DLG2: variants seen among roughly 807,000 people sequenced by gnomAD.
The protein encoded by DLG2 is discs large MAGUK scaffold protein 2.
DLG2 carries 45 observed loss-of-function variants against 132.5 expected under a neutral mutation model. The observed-to-expected ratio is 0.34, with a 90% confidence interval of 0.27 to 0.44. The LOEUF is 0.44. Ranked by LOEUF, DLG2 falls within the 20% of genes least tolerant of loss-of-function variation. DLG2 has a pLI of 1.00. For synonymous variants in DLG2, 424 were observed against 419.6 expected (o/e 1.01, Z -0.13); for missense variants, 1,045 against 1,196.9 (o/e 0.87, Z 1.87).
At chr11:85,585,388 A>G (rs898664078) in intron 3 of DLG2, among the ~76,000 whole-genome samples, 2 of 151,970 alleles carry the variant, frequency 1.3e-5, no homozygotes, top group Non-Finnish European at 2.9e-5. Context: ...TTTTAATTCC[A>G]ATTTGGATGC....
chr11:84,194,400 C>G (rs1477135435), intron 8 of DLG2, among the ~76,000 whole-genome samples: 1 of 152,146 alleles, frequency 6.6e-6, no homozygotes, highest in Non-Finnish European at 1.5e-5. Context: ...AGGCTGCAGA[C>G]CTTCATGGTG....
intron 6 of DLG2, among the ~76,000 whole-genome samples, chr11:84,919,667 T>A (rs1394337205): frequency 6.6e-6 from 1 of 152,164 alleles, no homozygotes; most frequent in Non-Finnish European, 1.5e-5. Context: ...CATGTGGGTA[T>A]GTTTGTAGTA....
intron 7 of DLG2, among the ~76,000 whole-genome samples, chr11:84,514,872 A>G (rs1259637602): frequency 2.0e-5 from 3 of 152,036 alleles, no homozygotes; most frequent in Non-Finnish European, 4.4e-5. Context: ...TGAATTTTCC[A>G]TGATGTGATT....
At chr11:84,550,679 C>T (rs1360227520) in intron 6 of DLG2, among the ~76,000 whole-genome samples, 1 of 152,124 alleles carries the variant, frequency 6.6e-6, no homozygotes, top group Non-Finnish European at 1.5e-5. Flanking sequence ...CCTGGGTGGT[C>T]GATTGGCATA....
chr11:84,949,138 C>CA (rs1331510001), intron 6 of DLG2, among the ~76,000 whole-genome samples: 1 of 152,052 alleles, frequency 6.6e-6, no homozygotes, highest in African/African-American at 2.4e-5. Context: ...TAAAGCTGGG[C>CA]ATCCGGGGGA....
chr11:83,720,110 T>C (rs1256865718), intron 18 of DLG2, among the ~76,000 whole-genome samples: 1 of 151,444 alleles, frequency 6.6e-6, no homozygotes, highest in African/African-American at 2.4e-5. Context: ...CTGGTCAACA[T>C]GGCAAAACCC....
At chr11:84,011,306 T>G (rs2094878042) in intron 11 of DLG2, among the ~76,000 whole-genome samples, 2 of 151,534 alleles carry the variant, frequency 1.3e-5, no homozygotes, top group South Asian at 4.2e-4. Flanking sequence ...CCTGTCTCTA[T>G]AAAAAAATAC....
chr11:84,178,406 G>A (rs915736357), intron 8 of DLG2, among the ~76,000 whole-genome samples: 4 of 152,128 alleles, frequency 2.6e-5, no homozygotes, highest in Middle Eastern at 3.2e-3. Context: ...AAGACTGGAA[G>A]TTTGAGTGCA....
At chr11:84,928,185 G>C (rs2047631435) in intron 6 of DLG2, among the ~76,000 whole-genome samples, 1 of 151,944 alleles carries the variant, frequency 6.6e-6, no homozygotes, top group African/African-American at 2.4e-5. Context: ...GATGCCACTT[G>C]AGAAAGGAAC....
At chr11:85,091,125 C>T (rs1323197573) in intron 6 of DLG2, among the ~76,000 whole-genome samples, 1 of 152,214 alleles carries the variant, frequency 6.6e-6, no homozygotes, top group Admixed American at 6.5e-5. Context: ...TTTGGTTCCA[C>T]CTCCAACACT....
chr11:84,013,863 T>C (rs2095025961), intron 11 of DLG2, among the ~76,000 whole-genome samples: 1 of 33,684 alleles, frequency 3.0e-5, no homozygotes, highest in African/African-American at 1.5e-4. Context: ...TGGGACTGCG[T>C]CTCAAAAAAA....
intron 7 of DLG2, among the ~76,000 whole-genome samples, chr11:84,506,296 C>T (rs927273986): frequency 4.0e-5 from 6 of 151,522 alleles, no homozygotes; most frequent in African/African-American, 1.5e-4. Context: ...GGGATGGTCT[C>T]GATCTCCTGA....
intron 4 of DLG2, among the ~76,000 whole-genome samples, chr11:85,170,681 G>C (rs1378750155): frequency 6.6e-6 from 1 of 152,030 alleles, no homozygotes; most frequent in African/African-American, 2.4e-5. Flanking sequence ...TTGCACAGGT[G>C]GTAAAAAGAA....
At chr11:84,656,809 T>G (rs987694120) in intron 6 of DLG2, among the ~76,000 whole-genome samples, 2 of 151,966 alleles carry the variant, frequency 1.3e-5, no homozygotes, top group African/African-American at 4.8e-5. Context: ...TAATAGGGAG[T>G]GGAAAAAAAT....
chr11:85,477,030 G>C (rs537077012), intron 3 of DLG2, among the ~76,000 whole-genome samples: 1 of 152,092 alleles, frequency 6.6e-6, no homozygotes, highest in African/African-American at 2.4e-5. Flanking sequence ...ACAATGACAA[G>C]AGTAATGCAC....
rs140599607 is a variant in DLG2, at chr11:83,962,888, G to A, written c.1337C>T (p.Thr446Ile). 1,277 of 1,612,784 alleles carry A rather than the reference G, an allele frequency of 7.9e-4. 3 individuals carry two copies. Among genetic ancestry groups the A allele is most frequent in the Non-Finnish European group, 1.0e-3 (1,177 of 1,178,970 alleles). The change falls in exon 14 of 28, where the codon ACC becomes ATC. Residue 446 changes from threonine to isoleucine, a missense_variant. Around this residue, in one of 4 missense-constraint regions of DLG2, gnomAD observed 261 missense variants for 256.1 expected, o/e 1.02. Transcript: ENST00000376104. Reference sequence around the variant, plus strand: ...TTAACTAACAGGCATATCTGACCTGGTGTAGTCGTCGTCAACAAGCATGTG... The same window carrying A: ...TTAACTAACAGGCATATCTGACCTGATGTAGTCGTCGTCAACAAGCATGTG... ...PKHMLVDDDY[T>I]RPPEPVYSTV...
chr11:84,201,919 A>G (rs2096600710), intron 8 of DLG2, among the ~76,000 whole-genome samples: 2 of 137,426 alleles, frequency 1.5e-5, no homozygotes, highest in African/African-American at 5.5e-5. Flanking sequence ...CCCGGGTTCA[A>G]GCGATTCTCC....
At chr11:84,333,726 A>G (rs2098471484) in intron 7 of DLG2, among the ~76,000 whole-genome samples, 1 of 152,184 alleles carries the variant, frequency 6.6e-6, no homozygotes, top group African/African-American at 2.4e-5. Context: ...TTTACATTTC[A>G]GTTCTCTGAA....
chr11:84,735,721 G>T (rs2063742516), intron 6 of DLG2, among the ~76,000 whole-genome samples: 1 of 151,928 alleles, frequency 6.6e-6, no homozygotes, highest in Non-Finnish European at 1.5e-5. Context: ...TCTTTTAGTT[G>T]TGATGTTAGG....
Sources: allele counts gnomAD v4.1 joint callset (sites outside exome capture counted in the v4.1 genomes callset), GRCh38; gene constraint gnomAD v4.1.1; regional missense constraint gnomAD v4.1.1; transcripts MANE v1.5; gene names NCBI Gene and HGNC (gene_info 2026-07-23, HGNC 2026-07-21).